Variants in PPFIBP1 observed in about 807,000 individuals in gnomAD.
The protein encoded by PPFIBP1 is liprin-beta-1.
Under a neutral mutation model 137.8 loss-of-function variants are expected in PPFIBP1, and 112 were observed. The observed-to-expected ratio is 0.81, with a 90% CI of 0.70 to 0.95. PPFIBP1 has a LOEUF of 0.95. Among genes scored for constraint, PPFIBP1 ranks in the 40% least tolerant of loss-of-function variants. PPFIBP1 has a pLI of 0.00. For synonymous variants in PPFIBP1, 378 were observed against 417.3 expected (o/e 0.91, Z 1.15); for missense variants, 1,083 against 1,196.6 (o/e 0.91, Z 1.40).
At chr12:27,593,379 A>T (rs11830009) in intron 2 of PPFIBP1, 1 of 452,590 alleles carries the variant, frequency 2.2e-6, no homozygotes, top group African/African-American at 2.0e-5. Context: ...TTCCTATCCT[A>T]TGAGGCATCT....
In PPFIBP1 at chr12:27,682,596, A is replaced by T; in HGVS notation, c.2159-19A>T. On this transcript the variant is annotated intron_variant, in intron 23 of 29. Coordinates refer to ENST00000228425, the MANE Select transcript of PPFIBP1 (RefSeq NM_003622.4). ...AGATGTTTTGTGGCATGGTAGCAAC[A>T]CTGGCCTCTCTCTTTTAGGATGGTT... The T allele has an allele frequency of 6.2e-7, 1 of 1,613,914 alleles. No individual in the cohort carries two copies. The highest frequency in any genetic ancestry group is 8.5e-7 in the Non-Finnish European group (1 of 1,179,778).
At chr12:27,619,353 G>C (rs1472287051) in intron 2 of PPFIBP1, among the ~76,000 whole-genome samples, 1 of 152,084 alleles carries the variant, frequency 6.6e-6, no homozygotes, top group African/African-American at 2.4e-5. Context: ...ATAATGACAA[G>C]AAAAAGTCTG....
intron 1 of PPFIBP1, among the ~76,000 whole-genome samples, chr12:27,572,008 G>A (rs550472576): frequency 7.3e-4 from 111 of 152,112 alleles, no homozygotes; most frequent in Middle Eastern, 3.4e-3. Flanking sequence ...ACTGTAATCC[G>A]CAATCTCTGA....
At chr12:27,542,507 C>T (rs1395189797) in intron 1 of PPFIBP1, among the ~76,000 whole-genome samples, 2 of 152,178 alleles carry the variant, frequency 1.3e-5, no homozygotes, top group African/African-American at 4.8e-5. Flanking sequence ...TGCAAGATGC[C>T]TAGTGCAGCA....
chr12:27,679,479 C>T lies in PPFIBP1; in HGVS notation c.1616-10C>T. On this transcript the variant is annotated splice_polypyrimidine_tract_variant and intron_variant, in intron 19 of 29. Coordinates refer to ENST00000228425, the MANE Select transcript of PPFIBP1 (RefSeq NM_003622.4). ...TAAAATTCATTGTCTGCATTCTGCT[C>T]TTGGAGTAGCTGAAACAGAAAAAGA... 6.2e-7 allele frequency: 1 copy of T among 1,604,360 alleles called. No individual in the cohort carries two copies. The highest frequency in any genetic ancestry group is 1.1e-5 in the South Asian group (1 of 89,038).
At chr12:27,560,182 T>A (rs1257055927) in intron 1 of PPFIBP1, among the ~76,000 whole-genome samples, 1 of 152,234 alleles carries the variant, frequency 6.6e-6, no homozygotes, top group Non-Finnish European at 1.5e-5. Flanking sequence ...TGTTCCCAGA[T>A]AGCAGTCAGT....
intron 15 of PPFIBP1, 60 bp from the exon 16 acceptor site, chr12:27,673,707 T>C (rs1326719451): frequency 2.1e-6 from 3 of 1,411,502 alleles, no homozygotes; most frequent in African/African-American, 1.4e-5. Context: ...CAAGATGTTT[T>C]ACTTAGAAAC....
At chr12:27,553,415 G>A (rs998018772) in intron 1 of PPFIBP1, among the ~76,000 whole-genome samples, 11 of 152,148 alleles carry the variant, frequency 7.2e-5, no homozygotes, top group African/African-American at 2.7e-4. Context: ...TGCCCCGCAG[G>A]AGCCAAGAGT....
In PPFIBP1 at chr12:27,651,074, A is replaced by G. The variant is rs781699260; in HGVS notation, c.603+933A>G. On this transcript the variant is annotated intron_variant, in intron 7 of 29. Transcript: ENST00000228425. Reference sequence around the variant, plus strand: ...TTCAATCATGTATTTCACGCTGACTATAAGCCAGCATGATACCAGGCATTA... The same window carrying G: ...TTCAATCATGTATTTCACGCTGACTGTAAGCCAGCATGATACCAGGCATTA... Among the ~76,000 whole-genome samples, 14 of 152,186 alleles carry G rather than the reference A, an allele frequency of 9.2e-5. No homozygotes were observed. In the South Asian group the frequency reaches 1.5e-3, roughly 16 times the overall value.
At chr12:27,612,694 G>A (rs1429194867) in intron 2 of PPFIBP1, among the ~76,000 whole-genome samples, 23 of 151,972 alleles carry the variant, frequency 1.5e-4, no homozygotes, top group Admixed American at 1.4e-3. Flanking sequence ...CCCGCAGCAC[G>A]TCATGTGCTA....
intron 2 of PPFIBP1, chr12:27,593,831 A>T: frequency 7.5e-7 from 1 of 1,326,648 alleles, no homozygotes; most frequent in Non-Finnish European, 1.0e-6. Flanking sequence ...TTGTCTCTTC[A>T]TGTGTTTCCT....
chr12:27,607,350 G>A (rs1310607357), intron 2 of PPFIBP1, among the ~76,000 whole-genome samples: 1 of 152,182 alleles, frequency 6.6e-6, no homozygotes, highest in East Asian at 1.9e-4. Flanking sequence ...AGGGAGAATG[G>A]CATTACTAGG....
chr12:27,678,957 G>T (rs937963483), intron 19 of PPFIBP1, among the ~76,000 whole-genome samples: 1 of 151,500 alleles, frequency 6.6e-6, no homozygotes, highest in Non-Finnish European at 1.5e-5. Flanking sequence ...ACACTGAATT[G>T]GGAATATCAC....
At position 27,692,799 on chromosome 12, in the gene PPFIBP1, A is replaced by T. The variant is rs142730346; in HGVS notation, c.2935A>T (p.Met979Leu). The T allele has an allele frequency of 8.7e-6, 14 of 1,614,124 alleles. No homozygotes were observed. The East Asian group carries it at 3.1e-4, about 36-fold the overall frequency. The change falls in exon 30 of 30, where the codon ATG becomes TTG. Residue 979 changes from methionine (M) to leucine (L), a missense_variant. By Grantham distance (15) the Met-to-Leu change is conservative. Transcript: ENST00000228425. ...TCCCTGTCTCCTTGTTTTCCAGCAC[A>T]TGTTAAAAGAAGATGACATGTTTAA... is the stretch of plus-strand genomic sequence containing the variant. ...FSEGINNLTH[M>L]LKEDDMFKDF...
intron 8 of PPFIBP1, among the ~76,000 whole-genome samples, chr12:27,656,380 T>G (rs1396009111): frequency 6.6e-6 from 1 of 152,230 alleles, no homozygotes; most frequent in Admixed American, 6.5e-5. Flanking sequence ...TCTTTTTAAT[T>G]TGATTACAAA....
intron 1 of PPFIBP1, among the ~76,000 whole-genome samples, chr12:27,557,623 A>G (rs911854037): frequency 1.4e-4 from 22 of 152,200 alleles, no homozygotes; most frequent in African/African-American, 5.3e-4. Flanking sequence ...ATGATATTTA[A>G]TATAGATGTT....
chr12:27,656,900 G>T, intron 9 of PPFIBP1, 170 bp downstream of exon 9: 1 of 523,530 alleles, frequency 1.9e-6, no homozygotes, highest in South Asian at 2.3e-5. Flanking sequence ...CTGTGACTGG[G>T]AATCCATTAA....
chr12:27,601,275 T>C (rs2053956349), intron 2 of PPFIBP1, among the ~76,000 whole-genome samples: 1 of 152,250 alleles, frequency 6.6e-6, no homozygotes, highest in African/African-American at 2.4e-5. Context: ...ATAAGAATTA[T>C]TGTGACAAGG....
intron 2 of PPFIBP1, among the ~76,000 whole-genome samples, chr12:27,614,049 C>A (rs141267264): frequency 2.6e-3 from 397 of 152,176 alleles, no homozygotes; most frequent in Middle Eastern, 6.8e-3. Context: ...ACATTTGTCC[C>A]TGGCAGCTGT....
Sources: allele counts gnomAD v4.1 joint callset (sites outside exome capture counted in the v4.1 genomes callset), GRCh38; gene constraint gnomAD v4.1.1; transcripts MANE v1.5; gene names NCBI Gene and HGNC (gene_info 2026-07-23, HGNC 2026-07-21).